PLEKHM2: variants seen among roughly 807,000 people sequenced by gnomAD.
PLEKHM2 encodes the protein pleckstrin homology and RUN domain containing M2, also known as pleckstrin homology domain-containing family M member 2.
In PLEKHM2, 77 loss-of-function variants were observed where a neutral mutation model predicts 116.3. That is an observed-to-expected ratio of 0.66 (90% CI 0.55 to 0.80). The LOEUF (loss-of-function observed/expected upper bound fraction) is 0.80, where lower values mean the gene tolerates loss of function less well. Ranked by LOEUF, PLEKHM2 falls within the 30% of genes least tolerant of loss-of-function variation. The pLI, the probability that PLEKHM2 is intolerant of heterozygous loss-of-function variation, is 0.00. For synonymous variants in PLEKHM2, 562 were observed against 571.0 expected (o/e 0.98, Z 0.22); for missense variants, 1,183 against 1,354.9 (o/e 0.87, Z 1.99).
chr1:15,701,038 A>T (rs1258585702), intron 1 of PLEKHM2, among the ~76,000 whole-genome samples: 1 of 141,272 alleles, frequency 7.1e-6, no homozygotes, highest in Non-Finnish European at 1.5e-5. Flanking sequence ...GCTCGAACCC[A>T]GGAGGCGGAG....
chr1:15,709,374 G>T (rs1641283231), intron 1 of PLEKHM2, among the ~76,000 whole-genome samples: 1 of 152,164 alleles, frequency 6.6e-6, no homozygotes, highest in Non-Finnish European at 1.5e-5. Context: ...TACTGGAGCG[G>T]GAGGGAGGTG....
chr1:15,701,916 C>G (rs999931375), intron 1 of PLEKHM2, among the ~76,000 whole-genome samples: 17 of 152,216 alleles, frequency 1.1e-4, no homozygotes, highest in Admixed American at 1.1e-3. Context: ...CAAGAGGCTG[C>G]GCCTGAAGCT....
At chr1:15,707,482 C>T (rs868659423) in intron 1 of PLEKHM2, among the ~76,000 whole-genome samples, 11 of 152,152 alleles carry the variant, frequency 7.2e-5, no homozygotes, top group African/African-American at 2.4e-4. Flanking sequence ...ACACGTGAGC[C>T]GATGGGAGTG....
chr1:15,730,239 G>A (rs2068121359), intron 14 of PLEKHM2, among the ~76,000 whole-genome samples: 2 of 152,200 alleles, frequency 1.3e-5, no homozygotes, highest in South Asian at 2.1e-4. Flanking sequence ...TCAGGAGTTC[G>A]AGACCCGCCT....
At chr1:15,708,894 C>T (rs549959196) in intron 1 of PLEKHM2, among the ~76,000 whole-genome samples, 6 of 152,208 alleles carry the variant, frequency 3.9e-5, no homozygotes, top group Admixed American at 6.5e-5. Context: ...ATCATAGCTG[C>T]TAACATTTGT....
In PLEKHM2 at chr1:15,727,416, G is replaced by T. The variant is rs1381627517; in HGVS notation, c.1344G>T (p.Arg448Ser). 3 of 1,605,594 alleles carry T rather than the reference G, an allele frequency of 1.9e-6. No individual in the cohort carries two copies. Among genetic ancestry groups the T allele is most frequent in the Non-Finnish European group, 1.7e-6 (2 of 1,176,798 alleles). The change falls in exon 9 of 20, where the codon AGG (arginine) becomes AGT (serine). Residue 448 changes from arginine (R) to serine (S), a missense_variant. Arg to Ser is a moderately radical substitution (Grantham distance 110). Transcript: ENST00000375799. The surrounding 1 kb of genome is among the most constrained non-coding windows in gnomAD (Gnocchi z 7.5). ...GCTCTCCCGGGGATGCCCCGGAGAG[G>T]CCGCCGCTTTGCGACTTTAGTGAGG... is the stretch of plus-strand genomic sequence containing the variant. ...RTGSPGDAPE[R>S]PPLCDFSEGL...
In PLEKHM2 at chr1:15,712,679, G is replaced by A. The variant is rs548160408; in HGVS notation, c.61-3558G>A. Among the ~76,000 whole-genome samples the A allele has an allele frequency of 1.5e-4, 19 of 126,500 alleles. 1 individual carries two copies. In the South Asian group the frequency reaches 3.9e-3, roughly 26 times the overall value. The allele number at this position is 126,500 out of a possible 152,430, so 83.0% of individuals were successfully genotyped here. ...TTTTTTTTTTTTGAGACAAGTTCTT[G>A]CTCCAGGCTGGAGTGCAGTGGTGCC... On this transcript the variant is annotated intron_variant, in intron 1 of 19. Transcript: ENST00000375799.
chr1:15,686,093 C>T (rs953322658), intron 1 of PLEKHM2, among the ~76,000 whole-genome samples: 1 of 152,160 alleles, frequency 6.6e-6, no homozygotes, highest in African/African-American at 2.4e-5. Context: ...ACATGGGGCA[C>T]GCTGTCACAT....
Position 15,726,996 on chromosome 1 carries a change from C to T in PLEKHM2, c.942-18C>T. On this transcript the variant is annotated intron_variant, in intron 8 of 19. Coordinates refer to ENST00000375799, the MANE Select transcript of PLEKHM2 (RefSeq NM_015164.4). ...GACTACTCAGGGGTTAACACTCTCC[C>T]CGTCGTTACTGTCCCAGGGTCACCA... The T allele has an allele frequency of 2.1e-6, 3 of 1,443,190 alleles. No individual in the cohort carries two copies. The highest frequency in any genetic ancestry group is 1.8e-6 in the Non-Finnish European group (2 of 1,091,196). 89.4% of individuals were successfully genotyped at this position (1,443,190 alleles called of 1,614,324 possible).
At chr1:15,722,595 C>G (rs569784068) in intron 7 of PLEKHM2, 4 of 152,162 alleles carry the variant, frequency 2.6e-5, no homozygotes, top group Admixed American at 2.6e-4. Flanking sequence ...TTATTAGAGA[C>G]GTGATTGCTG....
At chr1:15,722,663 CTG>C (rs1571058761) in intron 7 of PLEKHM2, 2 of 152,166 alleles carry the variant, frequency 1.3e-5, no homozygotes, top group African/African-American at 2.4e-5. Flanking sequence ...TACCTTAACT[CTG>C]TGAGAAATAA....
chr1:15,687,048 G>A (rs910605356), intron 1 of PLEKHM2, among the ~76,000 whole-genome samples: 14 of 151,950 alleles, frequency 9.2e-5, no homozygotes, highest in Non-Finnish European at 1.3e-4. Context: ...TTGGCCCCCC[G>A]AAGTGCTGGG....
chr1:15,723,326 G>A (rs2068018633), intron 7 of PLEKHM2: 1 of 151,826 alleles, frequency 6.6e-6, no homozygotes. Context: ...CTGTATCTTA[G>A]AACTTAGGCT....
chr1:15,730,663 C>G lies in PLEKHM2; in HGVS notation c.2340C>G (p.Tyr780Ter). The stretch of plus-strand genomic sequence containing the variant: ...TCACCAAAGAAGGCATGCTGCACTA[C>G]AAGGCGGGCACCTCCTACCTGGGCA... ...GTITKEGMLHYKAGTSYLGKE... is the reference protein window; with the variant it reads ...GTITKEGMLH The change falls in exon 15 of 20, where the codon TAC becomes TAG. Residue 780 changes from tyrosine (Y) to a stop codon, truncating the protein, a stop_gained. Transcript: ENST00000375799. LOFTEE classifies it high-confidence loss of function. The G allele has an allele frequency of 6.2e-7, 1 of 1,610,124 alleles. No individual in the cohort carries two copies.
chr1:15,703,873 G>A (rs906010534), intron 1 of PLEKHM2, among the ~76,000 whole-genome samples: 5 of 152,192 alleles, frequency 3.3e-5, no homozygotes, highest in Non-Finnish European at 5.9e-5. Flanking sequence ...GATGAGCTGA[G>A]CTAGCTTTTC....
chr1:15,692,291 C>T (rs1280754224), intron 1 of PLEKHM2, among the ~76,000 whole-genome samples: 1 of 152,002 alleles, frequency 6.6e-6, no homozygotes, highest in Non-Finnish European at 1.5e-5. Flanking sequence ...ACCTGAGTCA[C>T]CAGGACAAAG....
rs1198737066 is a variant in PLEKHM2, at chr1:15,719,248, G to A, written c.466-486G>A. ...GTGGATCACCTGAGGTCAGGAGTTC[G>A]AGACCAGCCTGGCCAACATGGCGAA... On this transcript the variant is annotated intron_variant, in intron 5 of 19. Transcript: ENST00000375799. The surrounding 1 kb of genome is among the most constrained non-coding windows in gnomAD (Gnocchi z 4.1). 6.6e-6 allele frequency among the ~76,000 whole-genome samples: 1 copy of A among 152,080 alleles called. No homozygotes were observed. Among genetic ancestry groups the A allele is most frequent in the African/African-American group, 2.4e-5 (1 of 41,428 alleles).
At position 15,727,463 on chromosome 1, in the gene PLEKHM2, T is replaced by A; in HGVS notation, c.1391T>A (p.Phe464Tyr). Reference sequence around the variant, plus strand: ...GAGGGGCTTTCAGCCCCAATGGACTTCTACCGCTTTACCGTCGAGAGTCCA... The same window carrying A: ...GAGGGGCTTTCAGCCCCAATGGACTACTACCGCTTTACCGTCGAGAGTCCA... ...FSEGLSAPMD[F>Y]YRFTVESPST... The change falls in exon 9 of 20, where the codon TTC becomes TAC. Residue 464 changes from phenylalanine to tyrosine, a missense_variant. Coordinates refer to ENST00000375799, the MANE Select transcript of PLEKHM2 (RefSeq NM_015164.4). This position sits in a 1 kb window ranked among gnomAD's most constrained non-coding sequence, Gnocchi z 7.5. The A allele has an allele frequency of 6.2e-7, 1 of 1,603,838 alleles. No homozygotes were observed. Among genetic ancestry groups the A allele is most frequent in the Non-Finnish European group, 8.5e-7 (1 of 1,175,914 alleles).
chr1:15,733,483 A>G lies in PLEKHM2; in HGVS notation c.2923-314A>G, dbSNP rs113155232. 0.033 allele frequency among the ~76,000 whole-genome samples: 5,024 copies of G among 152,336 alleles called. 277 individuals carry two copies. Among genetic ancestry groups the G allele is most frequent in the African/African-American group, 0.11 (4,699 of 41,560 alleles). ...AGCCCCGTGGAAGCCTGGACTAGTT[A>G]GAGGCAGAGAACAGCTCAGGACAGA... On this transcript the variant is annotated intron_variant, in intron 19 of 19. Transcript: ENST00000375799.
Sources: allele counts gnomAD v4.1 joint callset (sites outside exome capture counted in the v4.1 genomes callset), GRCh38; gene constraint gnomAD v4.1.1; non-coding constraint Gnocchi (gnomAD v3.1); transcripts MANE v1.5; gene names NCBI Gene and HGNC (gene_info 2026-07-23, HGNC 2026-07-21).